The following CDCA5 variants were observed in gnomAD, a reference collection of about 807,000 sequenced individuals.
The protein encoded by CDCA5 is cell division cycle associated 5, also known as sororin.
CDCA5 carries 14 observed loss-of-function variants against 25.7 expected under a neutral mutation model. The ratio of observed to expected loss-of-function variants is 0.54; its 90% CI spans 0.36 to 0.85. The LOEUF (loss-of-function observed/expected upper bound fraction) is 0.85, where lower values mean the gene tolerates loss of function less well. Ranked by LOEUF, CDCA5 falls within the 40% of genes least tolerant of loss-of-function variation. The pLI, the probability that CDCA5 is intolerant of heterozygous loss-of-function variation, is 0.01. For missense variants in CDCA5, 307 were observed against 324.5 expected (o/e 0.95, Z 0.41); for synonymous variants, 127 against 128.7 (o/e 0.99, Z 0.09).
At chr11:65,076,420 G>A (rs1590794277), downstream of CDCA5, among the ~76,000 whole-genome samples, 1 of 152,088 alleles carries the variant, frequency 6.6e-6, no homozygotes, top group Non-Finnish European at 1.5e-5. Flanking sequence ...CAGCCTGGTT[G>A]TCATTTTTTA....
At chr11:65,061,523 C>T (rs1049245764), downstream of CDCA5, among the ~76,000 whole-genome samples, 6 of 152,100 alleles carry the variant, frequency 3.9e-5, no homozygotes, top group Admixed American at 3.9e-4. Context: ...GCCTATAATC[C>T]CAGCACTTTG....
At chr11:65,067,296 G>A (rs944752170) in intron 4 of CDCA5, among the ~76,000 whole-genome samples, 1 of 152,286 alleles carries the variant, frequency 6.6e-6, no homozygotes, top group South Asian at 2.1e-4. Flanking sequence ...CTGCCTAGGC[G>A]CTCCAGGTCA....
chr11:65,079,554 G>T lies in CDCA5; in HGVS notation c.477C>A (p.Thr159=). 1 of 1,614,130 alleles carries T rather than the reference G, an allele frequency of 6.2e-7. No homozygotes were observed. ...LETLGSASTS[T]PGRRSCFGFE... ...AGCCAAAGCAGGACCGGCGGCCTGG[G>T]GTGGAGGTAGAGGCAGAGCCCAGGG... Residue 159 remains threonine, a synonymous_variant, in exon 5 of 6, where the codon ACC becomes ACA. Transcript: ENST00000275517.
At chr11:65,066,390 G>A in exon 7 of CDCA5, 1 of 1,211,380 alleles carries the variant, frequency 8.3e-7, no homozygotes, top group Non-Finnish European at 1.1e-6. Flanking sequence ...CCTGGGGCCT[G>A]GCCAGGCCTG....
chr11:65,067,936 G>C (rs1947270771), intron 3 of CDCA5: 1 of 982,428 alleles, frequency 1.0e-6, no homozygotes, highest in Non-Finnish European at 1.4e-6. Flanking sequence ...GGGGTGGGGA[G>C]AAACACCATC....
chr11:65,067,602 G>A, intron 4 of CDCA5: 3 of 1,158,824 alleles, frequency 2.6e-6, no homozygotes, highest in Non-Finnish European at 3.4e-6. Context: ...GCCTGGCCTT[G>A]GTCGGGGGAA....
At chr11:65,068,465 G>A (rs2137067866) in intron 2 of CDCA5, 2 of 1,244,474 alleles carry the variant, frequency 1.6e-6, no homozygotes, top group East Asian at 1.1e-4. Context: ...ACTGCCTTAG[G>A]AGGCCCTGGG....
chr11:65,080,791 A>G (rs931878142), intron 4 of CDCA5, among the ~76,000 whole-genome samples: 1 of 152,240 alleles, frequency 6.6e-6, no homozygotes, highest in Admixed American at 6.5e-5. Context: ...ACAGCAGGGA[A>G]TAAAACAGAG....
downstream of CDCA5, among the ~76,000 whole-genome samples, chr11:65,063,937 C>G (rs1033452565): frequency 6.6e-6 from 1 of 152,162 alleles, no homozygotes; most frequent in Non-Finnish European, 1.5e-5. Flanking sequence ...CAGGGACTGA[C>G]CTCAGGACAG....
At chr11:65,068,404 C>A in intron 2 of CDCA5, 1 of 854,438 alleles carries the variant, frequency 1.2e-6, no homozygotes, top group Non-Finnish European at 1.6e-6. Flanking sequence ...GGGTTCAGGC[C>A]TCCATTCAGA....
chr11:65,070,183 G>A (rs1442124820), intron 1 of CDCA5, among the ~76,000 whole-genome samples: 1 of 152,252 alleles, frequency 6.6e-6, no homozygotes, highest in Non-Finnish European at 1.5e-5. Context: ...GGATCTTTGT[G>A]TGTCTGTTAT....
Position 65,078,668 on chromosome 11 carries a change from C to A in CDCA5, c.*439G>T. The A allele has an allele frequency of 2.0e-6, 2 of 995,936 alleles. No individual in the cohort carries two copies. The highest frequency in any genetic ancestry group is 2.4e-6 in the Non-Finnish European group (2 of 837,404). 61.7% of individuals were successfully genotyped at this position (995,936 alleles called of 1,614,324 possible). A position where few individuals can be genotyped will look rare whatever the true frequency, so the allele number is the denominator to read the frequency against. ...GTGGGTTCAAGAAGAAAGCCACCAA[C>A]AGAAGGCAACTCAGGAGGGAGAGGC... On this transcript the variant is annotated 3_prime_UTR_variant, in exon 6 of 6. Coordinates refer to ENST00000275517, the MANE Select transcript of CDCA5 (RefSeq NM_080668.4).
chr11:65,069,746 G>C (rs1947305352), intron 1 of CDCA5, among the ~76,000 whole-genome samples: 1 of 152,238 alleles, frequency 6.6e-6, no homozygotes, highest in African/African-American at 2.4e-5. Context: ...GGCCTAAAAG[G>C]CCCAAATATA....
At chr11:65,083,219 G>A (rs1947610765) in intron 4 of CDCA5, 145 bp downstream of exon 4, 1 of 818,260 alleles carries the variant, frequency 1.2e-6, no homozygotes, top group South Asian at 1.5e-5. Context: ...AATCAAGACT[G>A]GCAATGCATG....
chr11:65,070,474 A>AT (rs772198870), intron 1 of CDCA5, among the ~76,000 whole-genome samples: 47 of 151,774 alleles, frequency 3.1e-4, no homozygotes, highest in Admixed American at 1.9e-3. Flanking sequence ...TAAACGATGA[A>AT]TTTTTTTTTG....
chr11:65,067,997 T>C, intron 3 of CDCA5: 1 of 1,236,022 alleles, frequency 8.1e-7, no homozygotes. Context: ...GGGCACTCTC[T>C]CTCTCTCTCT....
downstream of CDCA5, among the ~76,000 whole-genome samples, chr11:65,064,374 C>T (rs947688783): frequency 4.1e-5 from 6 of 146,044 alleles, no homozygotes; most frequent in East Asian, 6.0e-4. Context: ...GCTGAGATTG[C>T]GCCACTGCAC....
Position 65,079,720 on chromosome 11 carries a change from T to C in CDCA5, c.311A>G (p.Lys104Arg). 1 of 1,536,120 alleles carries C rather than the reference T, an allele frequency of 6.5e-7. No homozygotes were observed. Among genetic ancestry groups the C allele is most frequent in the South Asian group, 1.2e-5 (1 of 80,208 alleles). The part of the protein sequence containing the change: ...GRELTKEDLF[K>R]THSVPATPTS... ...GGGGGTGGCAGGGACGCTGTGTGTCTTGAAAAGGTCCTCCTTAGTAAGCTC... is the reference window on the plus strand; with the variant it reads ...GGGGGTGGCAGGGACGCTGTGTGTCCTGAAAAGGTCCTCCTTAGTAAGCTC... The change falls in exon 5 of 6, where the codon AAG becomes AGG. Residue 104 changes from lysine (K) to arginine (R), a missense_variant. Physicochemically the swap from Lys to Arg is conservative, Grantham distance 26. Coordinates refer to ENST00000275517, the MANE Select transcript of CDCA5 (RefSeq NM_080668.4).
At chr11:65,068,302 C>T (rs1947279438) in intron 2 of CDCA5, among the ~76,000 whole-genome samples, 1 of 152,138 alleles carries the variant, frequency 6.6e-6, no homozygotes, top group African/African-American at 2.4e-5. Flanking sequence ...GGAGGCCCTC[C>T]AGCGCTGAAC....
Sources: gnomAD v4.1 joint callset for allele counts (sites outside exome capture counted in the v4.1 genomes callset) on GRCh38, gnomAD v4.1.1 for gene constraint, MANE v1.5 for transcripts, NCBI Gene and HGNC (gene_info 2026-07-23, HGNC 2026-07-21) for gene names.